Variants in SOCS7 observed in about 807,000 individuals in gnomAD.
The protein encoded by SOCS7 is NAP-4.
In SOCS7, 18 loss-of-function variants were observed where a neutral mutation model predicts 58.9. The observed-to-expected ratio is 0.31, with a 90% CI of 0.21 to 0.45. The LOEUF (loss-of-function observed/expected upper bound fraction) is 0.45, where lower values mean the gene tolerates loss of function less well. Among genes scored for constraint, SOCS7 ranks in the 20% least tolerant of loss-of-function variants. SOCS7 has a pLI of 1.00. For synonymous variants in SOCS7, 388 were observed against 364.3 expected (o/e 1.06, Z -0.74); for missense variants, 667 against 837.3 (o/e 0.80, Z 2.51).
intron 6 of SOCS7, among the ~76,000 whole-genome samples, chr17:38,370,198 A>C (rs888868256): frequency 1.3e-5 from 2 of 151,758 alleles, no homozygotes; most frequent in African/African-American, 4.9e-5. Flanking sequence ...GGGTTTTGCC[A>C]CGTTGGCCAG....
At chr17:38,389,863 G>GTGTATATATATATATATATATA in intron 7 of SOCS7, among the ~76,000 whole-genome samples, 386 of 22,322 alleles carry the variant, frequency 0.017, 55 homozygotes, top group African/African-American at 0.06. Flanking sequence ...GTGTGTATGT[G>GTGTATATATATATATATATATA]TGTACATATA....
chr17:38,368,424 C>G (rs2037819995), intron 6 of SOCS7, among the ~76,000 whole-genome samples: 1 of 152,002 alleles, frequency 6.6e-6, no homozygotes, highest in Non-Finnish European at 1.5e-5. Context: ...AACTTATCAT[C>G]TAGAGATATT....
chr17:38,392,083 A>G (rs905884223), intron 7 of SOCS7, among the ~76,000 whole-genome samples: 2 of 152,202 alleles, frequency 1.3e-5, no homozygotes, highest in Admixed American at 6.5e-5. Context: ...GTTGGGTCTT[A>G]TCCTGGATTC....
rs939536245 is a variant in SOCS7, at chr17:38,400,931, T to TGG, written c.*1449_*1450insGG. The TGG allele has an allele frequency of 2.6e-5, 4 of 152,262 alleles. No individual in the cohort carries two copies. The highest frequency in any genetic ancestry group is 9.6e-5 in the African/African-American group (4 of 41,464). 9.4% of individuals were successfully genotyped at this position (152,262 alleles called of 1,614,324 possible). ...ATGTAACAGTGGAGCTGTTGGGTCT[T>TGG]CATGACTCCTTTGCGTGTGTTCCAT... On this transcript the variant is annotated 3_prime_UTR_variant, in exon 10 of 10. Transcript: ENST00000612932.
At chr17:38,378,345 T>C (rs538925927) in intron 7 of SOCS7, among the ~76,000 whole-genome samples, 5 of 151,584 alleles carry the variant, frequency 3.3e-5, no homozygotes, top group Non-Finnish European at 5.9e-5. Flanking sequence ...TGAGACCCCA[T>C]CTCTTAAAAA....
rs878967809 is a variant in SOCS7, at chr17:38,365,380, T to A, written c.1223T>A (p.Leu408Gln). ...GGGTCTTCCTTGCAGTCTTTCCCCC[T>A]ACCTCCGCCTCCTCCACCCCATGCC... ...PMGSSLQSFPLPPPPPPHAPD... is the reference protein window; with the variant it reads ...PMGSSLQSFPQPPPPPPHAPD... The change falls in exon 4 of 10, where the codon CTA (leucine) becomes CAA (glutamine). Residue 408 changes from leucine (L) to glutamine (Q), a missense_variant. Transcript: ENST00000612932. 3 of 1,612,446 alleles carry A rather than the reference T, an allele frequency of 1.9e-6. No homozygotes were observed.
chr17:38,356,701 A>G (rs1161671870), intron 1 of SOCS7, among the ~76,000 whole-genome samples: 1 of 152,008 alleles, frequency 6.6e-6, no homozygotes, highest in Non-Finnish European at 1.5e-5. Context: ...AGAAAGAAAG[A>G]AAGAAATGGG....
chr17:38,397,326 A>G (rs966414023), intron 9 of SOCS7, among the ~76,000 whole-genome samples: 2 of 152,210 alleles, frequency 1.3e-5, no homozygotes, highest in African/African-American at 4.8e-5. Context: ...TCCTGATGTC[A>G]CAGCAAAAAG....
At chr17:38,386,323 CAAAAAAAAAAAAA>C (rs548448434) in intron 7 of SOCS7, among the ~76,000 whole-genome samples, 1 of 51,802 alleles carries the variant, frequency 1.9e-5, no homozygotes, top group Non-Finnish European at 3.7e-5. Context: ...GGCTGTGTCT[CAAAAAAAAAAAAA>C]AAAAAAAAAA....
chr17:38,394,431 G>A (rs2038218412), intron 7 of SOCS7, among the ~76,000 whole-genome samples: 1 of 152,142 alleles, frequency 6.6e-6, no homozygotes, highest in Admixed American at 6.5e-5. Context: ...TGAAATAATG[G>A]CAGGAATAAT....
chr17:38,377,895 T>C, intron 7 of SOCS7, 53 bp downstream of exon 7: 1 of 1,568,770 alleles, frequency 6.4e-7, no homozygotes, highest in South Asian at 1.2e-5. Context: ...TGATCCAGTT[T>C]AGTGTCAAAA....
At chr17:38,390,709 CTTT>C (rs776122052) in intron 7 of SOCS7, among the ~76,000 whole-genome samples, 1 of 120,010 alleles carries the variant, frequency 8.3e-6, no homozygotes, top group Non-Finnish European at 1.8e-5. Flanking sequence ...TTCTTTCTGT[CTTT>C]TTTTTTTTTT....
At chr17:38,374,141 A>C (rs1325318863) in intron 6 of SOCS7, among the ~76,000 whole-genome samples, 3 of 152,260 alleles carry the variant, frequency 2.0e-5, no homozygotes, top group African/African-American at 4.8e-5. Context: ...AATCGCTCCA[A>C]CTTGGGAGGT....
chr17:38,355,859 A>G (rs2037630275), intron 1 of SOCS7, among the ~76,000 whole-genome samples: 2 of 152,070 alleles, frequency 1.3e-5, no homozygotes, highest in African/African-American at 4.8e-5. Context: ...TCAGTGTGGT[A>G]TGAGTTAGCT....
intron 1 of SOCS7, among the ~76,000 whole-genome samples, chr17:38,358,912 G>A (rs1385797629): frequency 6.6e-6 from 1 of 152,126 alleles, no homozygotes; most frequent in Non-Finnish European, 1.5e-5. Flanking sequence ...CCGGGGGTGG[G>A]GGAGAAGATG....
At chr17:38,357,803 A>G (rs1041025190) in intron 1 of SOCS7, among the ~76,000 whole-genome samples, 1 of 152,330 alleles carries the variant, frequency 6.6e-6, no homozygotes, top group East Asian at 1.9e-4. Flanking sequence ...ACATGTGTAA[A>G]TCTTAGGGCA....
Position 38,404,983 on chromosome 17 carries a change from A to G in SOCS7, c.*5501A>G, listed in dbSNP as rs962208459. On this transcript the variant is annotated 3_prime_UTR_variant, in exon 10 of 10. Transcript: ENST00000612932. The stretch of plus-strand genomic sequence containing the variant: ...CATTCTGGGCTCGGGGTGGTTGCCA[A>G]TTTTTCACCAGAAAGGGAGCCACCC... 2 of 151,888 alleles carry G rather than the reference A, an allele frequency of 1.3e-5. No individual in the cohort carries two copies. Among genetic ancestry groups the G allele is most frequent in the African/African-American group, 4.8e-5 (2 of 41,308 alleles). The allele number at this position is 151,888 out of a possible 1,614,324, so 9.4% of individuals were successfully genotyped here.
Position 38,403,289 on chromosome 17 carries a change from A to G in SOCS7, c.*3807A>G, listed in dbSNP as rs1393325065. The G allele has an allele frequency of 6.6e-6, 1 of 152,188 alleles. No homozygotes were observed. Among genetic ancestry groups the G allele is most frequent in the East Asian group, 1.9e-4 (1 of 5,190 alleles). 9.4% of individuals were successfully genotyped at this position (152,188 alleles called of 1,614,324 possible). A position where few individuals can be genotyped will look rare whatever the true frequency, so the allele number is the denominator to read the frequency against. On this transcript the variant is annotated 3_prime_UTR_variant, in exon 10 of 10. Coordinates refer to ENST00000612932, the MANE Select transcript of SOCS7 (RefSeq NM_014598.4). ...AGCTGCAGACACCCCTGTAACAGAC[A>G]TCCAGGAAGAATTAGGGAGTGGGGG...
intron 3 of SOCS7, 55 bp downstream of exon 3, chr17:38,364,911 G>C (rs939610955): frequency 2.3e-5 from 32 of 1,392,046 alleles, no homozygotes; most frequent in Non-Finnish European, 3.2e-5. Flanking sequence ...GAGCTCCAGG[G>C]ACTTGTTCTT....
Sources: allele counts gnomAD v4.1 joint callset (sites outside exome capture counted in the v4.1 genomes callset), GRCh38; gene constraint gnomAD v4.1.1; transcripts MANE v1.5; gene names NCBI Gene and HGNC (gene_info 2026-07-23, HGNC 2026-07-21).